The following GPHN variants were observed in gnomAD, a reference collection of about 807,000 sequenced individuals.
GPHN encodes the protein gephyrin.
A neutral mutation model predicts 95.5 loss-of-function variants in GPHN; 17 were observed. That is an observed-to-expected ratio of 0.18 (90% confidence interval 0.12 to 0.27). GPHN has a LOEUF of 0.27. Among genes scored for constraint, GPHN ranks in the 10% least tolerant of loss-of-function variants. GPHN has a pLI of 1.00. For synonymous variants in GPHN, 320 were observed against 322.5 expected, an observed-to-expected ratio of 0.99 and a Z score of 0.08; for missense variants, 660 against 978.1, an observed-to-expected ratio of 0.67 and a Z score of 4.34.
chr14:67,713,212 A>G, the GPHN span, among the ~76,000 whole-genome samples: 111 of 152,072 alleles, frequency 7.3e-4, no homozygotes, highest in South Asian at 1.5e-3. Flanking sequence ...TCAGGCTGAA[A>G]ACAACTCTCT....
intron 1 of GPHN, among the ~76,000 whole-genome samples, chr14:66,646,897 T>A (rs2064779363): frequency 6.6e-6 from 1 of 152,048 alleles, no homozygotes; most frequent in Admixed American, 6.6e-5. Flanking sequence ...TTATTATTTT[T>A]AAAATTTTAT....
intron 4 of GPHN, among the ~76,000 whole-genome samples, chr14:66,879,452 A>T (rs2063826308): frequency 6.6e-6 from 1 of 152,040 alleles, no homozygotes; most frequent in South Asian, 2.1e-4. Context: ...TCTAGCCAGT[A>T]CATGGGGAAA....
chr14:67,506,575 A>C, the GPHN span, among the ~76,000 whole-genome samples: 1 of 152,238 alleles, frequency 6.6e-6, no homozygotes, highest in Non-Finnish European at 1.5e-5. Context: ...AATGTAAGAC[A>C]GGTAGGGATG....
the GPHN span, among the ~76,000 whole-genome samples, chr14:67,394,175 T>G: frequency 6.6e-6 from 1 of 152,186 alleles, no homozygotes; most frequent in African/African-American, 2.4e-5. Context: ...GTTCTTATAT[T>G]TCTATGCCAG....
chr14:67,177,339 A>G (rs2083045183), intron 21 of GPHN, among the ~76,000 whole-genome samples: 1 of 152,144 alleles, frequency 6.6e-6, no homozygotes, highest in Non-Finnish European at 1.5e-5. Context: ...TTATTTACCC[A>G]GTAGTCATTC....
intron 1 of GPHN, among the ~76,000 whole-genome samples, chr14:66,617,045 C>T (rs1474759712): frequency 6.6e-6 from 1 of 152,138 alleles, no homozygotes; most frequent in Non-Finnish European, 1.5e-5. Flanking sequence ...TTTGACTGTC[C>T]ATTGGTGGAG....
the GPHN span, among the ~76,000 whole-genome samples, chr14:67,697,100 T>C: frequency 6.6e-6 from 1 of 152,252 alleles, no homozygotes; most frequent in Non-Finnish European, 1.5e-5. Context: ...TTTATGGCAT[T>C]CCTATAGTGT....
At chr14:67,211,312 A>T in the GPHN span, among the ~76,000 whole-genome samples, 2 of 151,908 alleles carry the variant, frequency 1.3e-5, no homozygotes, top group Non-Finnish European at 3.0e-5. Context: ...AAACTGAACA[A>T]AAAAAACCTA....
At position 66,759,890 on chromosome 14, in the gene GPHN, G is replaced by C. The variant is rs1186175394; in HGVS notation, c.144-16574G>C. ...AATCAAATATTGAAAATTTAAATTA[G>C]AGAAACTTCTGAATTATAGTTTTTG... On this transcript the variant is annotated intron_variant, in intron 2 of 22. Transcript: ENST00000478722. Among the ~76,000 whole-genome samples the C allele has an allele frequency of 2.6e-5, 4 of 152,132 alleles. 1 individual carries two copies. The East Asian group carries it at 7.7e-4, about 29-fold the overall frequency.
chr14:66,644,526 A>G (rs996165594), intron 1 of GPHN, among the ~76,000 whole-genome samples: 4 of 152,154 alleles, frequency 2.6e-5, no homozygotes, highest in Non-Finnish European at 5.9e-5. Flanking sequence ...AAACATAGTT[A>G]TAGAAATAAT....
At chr14:66,642,426 T>C (rs1437224017) in intron 1 of GPHN, among the ~76,000 whole-genome samples, 1 of 152,126 alleles carries the variant, frequency 6.6e-6, no homozygotes, top group African/African-American at 2.4e-5. Flanking sequence ...AAACATAGCC[T>C]CTAGCTTAAG....
rs77877703 is a variant in GPHN at position 66,652,917 on chromosome 14, A to T, written c.65-28190A>T. ...GGTTATGTTTTGCTGCAGCTGCCCT[A>T]TATTCACAACCTCCTGCATTCCATG... On this transcript the variant is annotated intron_variant, in intron 1 of 22. Transcript: ENST00000478722. 7.6e-3 allele frequency among the ~76,000 whole-genome samples: 1,163 copies of T among 152,250 alleles called. 25 individuals carry two copies. Among genetic ancestry groups the T allele is most frequent in the African/African-American group, 0.027 (1,107 of 41,554 alleles).
At chr14:67,466,633 G>T in the GPHN span, among the ~76,000 whole-genome samples, 2 of 152,162 alleles carry the variant, frequency 1.3e-5, no homozygotes, top group African/African-American at 4.8e-5. Context: ...TGCTTCCTTT[G>T]TTCGGCACTG....
Position 66,880,026 on chromosome 14 carries a change from C to T in GPHN, c.382C>T (p.Leu128Phe). 1.3e-6 allele frequency: 2 copies of T among 1,592,124 alleles called. No individual in the cohort carries two copies. The highest frequency in any genetic ancestry group is 1.7e-6 in the Non-Finnish European group (2 of 1,160,508). The part of the protein sequence containing the change: ...GSLNVTPLGM[L>F]SRPVCGIRGK... Reference sequence around the variant, plus strand: ...ACTTAATGTTACACCTCTGGGCATGCTCTCTAGGTAAGAAAGTCACCAACA... The same window carrying T: ...ACTTAATGTTACACCTCTGGGCATGTTCTCTAGGTAAGAAAGTCACCAACA... The change falls in exon 5 of 23, where the codon CTC (leucine) becomes TTC (phenylalanine). Residue 128 changes from leucine to phenylalanine, a missense_variant. By Grantham distance (22) the Leu-to-Phe change is conservative. Transcript: ENST00000478722.
the GPHN span, chr14:67,586,057 G>C: frequency 6.2e-7 from 1 of 1,613,984 alleles, no homozygotes; most frequent in Non-Finnish European, 8.5e-7. Context: ...TCTGGAAAAA[G>C]CCACATTGAG....
chr14:67,360,497 G>T, the GPHN span: 1 of 329,856 alleles, frequency 3.0e-6, no homozygotes, highest in Non-Finnish European at 5.5e-6. Flanking sequence ...AACTCACTTT[G>T]GTTTGTGTCC....
chr14:66,741,720 T>A (rs1160288070), intron 2 of GPHN, among the ~76,000 whole-genome samples: 2 of 152,206 alleles, frequency 1.3e-5, no homozygotes, highest in African/African-American at 4.8e-5. Context: ...AAATTATTTC[T>A]TCCTCTCAAG....
the GPHN span, among the ~76,000 whole-genome samples, chr14:67,436,081 C>T: frequency 6.6e-6 from 1 of 152,242 alleles, no homozygotes. Context: ...AGAAATGCCA[C>T]CGTAGCTCTA....
chr14:67,127,096 T>C (rs1190447350), intron 17 of GPHN, among the ~76,000 whole-genome samples: 2 of 70,812 alleles, frequency 2.8e-5, no homozygotes, highest in Admixed American at 4.3e-4. Flanking sequence ...GGGACTGTTG[T>C]GGGGTGGGGG....
Sources: gnomAD v4.1 joint callset for allele counts (sites outside exome capture counted in the v4.1 genomes callset) on GRCh38, gnomAD v4.1.1 for gene constraint, MANE v1.5 for transcripts, NCBI Gene and HGNC (gene_info 2026-07-23, HGNC 2026-07-21) for gene names.